SYNE3: variants seen among roughly 807,000 people sequenced by gnomAD.
The protein encoded by SYNE3 is spectrin repeat containing nuclear envelope family member 3, also known as nesprin-3.
SYNE3 carries 100 observed loss-of-function variants against 111.2 expected under a neutral mutation model. That is an observed-to-expected ratio of 0.90 (90% CI 0.77 to 1.06). The LOEUF (loss-of-function observed/expected upper bound fraction) is 1.06, where lower values mean the gene tolerates loss of function less well. Among genes scored for constraint, SYNE3 ranks in the 50% least tolerant of loss-of-function variants. The pLI, the probability that SYNE3 is intolerant of heterozygous loss-of-function variation, is 0.00. For synonymous variants in SYNE3, 547 were observed against 533.9 expected (o/e 1.02, Z -0.34); for missense variants, 1,160 against 1,240.3 (o/e 0.94, Z 0.97).
intron 1 of SYNE3, among the ~76,000 whole-genome samples, chr14:95,497,047 T>C (rs535273951): frequency 8.5e-4 from 129 of 152,360 alleles, no homozygotes; most frequent in African/African-American, 2.8e-3. Context: ...TGGCCCGAGC[T>C]GGAAGATTAG....
intron 17 of SYNE3, among the ~76,000 whole-genome samples, chr14:95,430,832 A>C (rs1595181276): frequency 6.6e-6 from 1 of 151,688 alleles, no homozygotes; most frequent in Middle Eastern, 3.4e-3. Flanking sequence ...AAGGAAAAAA[A>C]AAAAAAAGCT....
rs148441190 is a variant in SYNE3 at position 95,509,792 on chromosome 14, CCA to C, written c.-15+6802_-15+6803del. On this transcript the variant is annotated intron_variant, in intron 1 of 17. Coordinates refer to ENST00000682763, the MANE Select transcript of SYNE3 (RefSeq NM_152592.6). ...TGTTCTGTCCATGCCTTGGTGATCA[CCA>C]CACAGGCTGAACGCTGAAAGCCTGC... 4.2e-4 allele frequency among the ~76,000 whole-genome samples: 64 copies of C among 152,350 alleles called. No individual in the cohort carries two copies. The East Asian group carries it at 0.012, about 29-fold the overall frequency.
chr14:95,489,191 A>G (rs1004755148), intron 1 of SYNE3, among the ~76,000 whole-genome samples: 7 of 152,264 alleles, frequency 4.6e-5, no homozygotes, highest in Middle Eastern at 3.2e-3. Flanking sequence ...AGCCAAAGCC[A>G]GTAAAAGCAG....
chr14:95,478,291 C>A (rs1889012777), intron 1 of SYNE3, among the ~76,000 whole-genome samples: 1 of 152,172 alleles, frequency 6.6e-6, no homozygotes, highest in South Asian at 2.1e-4. Flanking sequence ...AGACAGCAGA[C>A]ACTATCTTAC....
intron 9 of SYNE3, 49 bp from the exon 10 acceptor site, chr14:95,444,677 A>T: frequency 1.3e-6 from 2 of 1,513,514 alleles, no homozygotes; most frequent in South Asian, 1.3e-5. Flanking sequence ...CCTCATGAGC[A>T]CCGTGTTGTG....
intron 2 of SYNE3, among the ~76,000 whole-genome samples, chr14:95,474,373 G>T (rs1261534588): frequency 6.6e-6 from 1 of 152,198 alleles, no homozygotes; most frequent in African/African-American, 2.4e-5. Flanking sequence ...GTTTGCATAC[G>T]TGTCTCCATG....
rs747384064 is a variant in SYNE3 at position 95,467,851 on chromosome 14, C to T, written c.261G>A (p.Leu87=). 2 of 1,614,210 alleles carry T rather than the reference C, an allele frequency of 1.2e-6. No homozygotes were observed. The highest frequency in any genetic ancestry group is 2.2e-5 in the East Asian group (1 of 44,876). ...CCTCCCATTGGGCCTTGATGTCCTT[C>T]AGCCGGGCCAGGATCCCGGGCTTCT... ...GDQKPGILAR[L]KDIKAQWEET... is the part of the protein sequence containing the mutation. The change falls in exon 3 of 18, where the codon CTG becomes CTA. Residue 87 remains leucine (L), a synonymous_variant. Transcript: ENST00000682763.
chr14:95,437,962 G>A (rs958443051), intron 14 of SYNE3: 10 of 152,144 alleles, frequency 6.6e-5, no homozygotes, highest in African/African-American at 1.9e-4. Context: ...AGTATCTCCC[G>A]GGCCCAGCAG....
chr14:95,503,416 C>T (rs1890412384), intron 1 of SYNE3, among the ~76,000 whole-genome samples: 1 of 152,166 alleles, frequency 6.6e-6, no homozygotes, highest in Non-Finnish European at 1.5e-5. Flanking sequence ...CCTACTGTTC[C>T]TGCCTATTTA....
intron 1 of SYNE3, among the ~76,000 whole-genome samples, chr14:95,483,859 C>T (rs888394465): frequency 6.6e-6 from 1 of 152,184 alleles, no homozygotes; most frequent in Non-Finnish European, 1.5e-5. Context: ...ACAAGAAGTC[C>T]CACCTTGGAA....
At chr14:95,480,192 T>A (rs978520640) in intron 1 of SYNE3, among the ~76,000 whole-genome samples, 35 of 152,176 alleles carry the variant, frequency 2.3e-4, no homozygotes, top group Non-Finnish European at 7.3e-5. Context: ...CCCTGGGGTG[T>A]GGCTGCAGGC....
Position 95,436,701 on chromosome 14 carries a change from C to T in SYNE3, c.2538+119G>A, listed in dbSNP as rs533462353. On this transcript the variant is annotated intron_variant, in intron 15 of 17. Coordinates refer to ENST00000682763, the MANE Select transcript of SYNE3 (RefSeq NM_152592.6). ...AAAAGTTTAAAAGCGATTATCTATA[C>T]ACAAGGGAGAACAGCTCACAAACTG... is the stretch of plus-strand genomic sequence containing the variant. 10 of 1,228,658 alleles carry T rather than the reference C, an allele frequency of 8.1e-6. No individual in the cohort carries two copies. In the South Asian group the frequency reaches 1.3e-4, roughly 16 times the overall value. 76.1% of individuals were successfully genotyped at this position (1,228,658 alleles called of 1,614,324 possible). A position where few individuals can be genotyped will look rare whatever the true frequency, so the allele number is the denominator to read the frequency against.
chr14:95,421,691 C>T (rs942894586), intron 17 of SYNE3, among the ~76,000 whole-genome samples: 5 of 152,228 alleles, frequency 3.3e-5, no homozygotes, highest in African/African-American at 1.2e-4. Flanking sequence ...CTCCTGCAAG[C>T]CCCACAAGCT....
chr14:95,465,068 T>G (rs1888078744), intron 4 of SYNE3, among the ~76,000 whole-genome samples: 1 of 151,770 alleles, frequency 6.6e-6, no homozygotes, highest in Non-Finnish European at 1.5e-5. Flanking sequence ...TGTTTCCAAA[T>G]AAGGCAAGAA....
chr14:95,490,851 G>A (rs1889815502), intron 1 of SYNE3, among the ~76,000 whole-genome samples: 1 of 152,254 alleles, frequency 6.6e-6, no homozygotes, highest in South Asian at 2.1e-4. Flanking sequence ...CCTGCAGGCT[G>A]TGGCACGCAG....
At chr14:95,494,662 A>G (rs7158369) in intron 1 of SYNE3, among the ~76,000 whole-genome samples, 97,757 of 152,014 alleles carry the variant, frequency 0.64, 31,931 homozygotes, top group African/African-American at 0.76. Flanking sequence ...AGGACCCACA[A>G]GCAGTCAGGG....
intron 1 of SYNE3, among the ~76,000 whole-genome samples, chr14:95,498,447 G>T (rs1043445450): frequency 6.6e-6 from 1 of 152,202 alleles, no homozygotes; most frequent in Non-Finnish European, 1.5e-5. Flanking sequence ...TCGAACTCCT[G>T]ACCTCAGGTG....
chr14:95,423,573 A>G (rs868097786), intron 17 of SYNE3, among the ~76,000 whole-genome samples: 147 of 3,118 alleles, frequency 0.047, 14 homozygotes, highest in Non-Finnish European at 0.064. Context: ...GATGGGGATG[A>G]GGATTTGGTA....
chr14:95,455,413 G>T lies in SYNE3; in HGVS notation c.1101C>A (p.Thr367=). 1.3e-6 allele frequency: 2 copies of T among 1,564,418 alleles called. No individual in the cohort carries two copies. The highest frequency in any genetic ancestry group is 8.6e-7 in the Non-Finnish European group (1 of 1,156,324). ...EGLQPAAKAG[T]EDELVAHWRR... Reference sequence around the variant, plus strand: ...TCCAGTGTGCCACCAGCTCGTCCTCGGTCCCCGCTTTCGCCGCAGGCTGCA... The same window carrying T: ...TCCAGTGTGCCACCAGCTCGTCCTCTGTCCCCGCTTTCGCCGCAGGCTGCA... The change falls in exon 6 of 18, where the codon ACC becomes ACA. Residue 367 remains threonine (T), a synonymous_variant. Transcript: ENST00000682763.
Sources: gnomAD v4.1 joint callset for allele counts (sites outside exome capture counted in the v4.1 genomes callset) on GRCh38, gnomAD v4.1.1 for gene constraint, MANE v1.5 for transcripts, NCBI Gene and HGNC (gene_info 2026-07-23, HGNC 2026-07-21) for gene names.